LPXN: variants seen among roughly 807,000 people sequenced by gnomAD.
The protein encoded by LPXN is leupaxin.
A neutral mutation model predicts 45.6 loss-of-function variants in LPXN; 28 were observed. The ratio of observed to expected loss-of-function variants is 0.61; its 90% CI spans 0.45 to 0.84. The LOEUF (loss-of-function observed/expected upper bound fraction) is 0.84. LPXN is among the 40% of genes least tolerant of loss of function. The pLI, the probability that LPXN is intolerant of heterozygous loss-of-function variation, is 0.00. For missense variants in LPXN, 459 were observed against 475.0 expected, an observed-to-expected ratio of 0.97 and a Z score of 0.31; for synonymous variants, 166 against 169.9, an observed-to-expected ratio of 0.98 and a Z score of 0.18.
intron 3 of LPXN, among the ~76,000 whole-genome samples, chr11:58,562,479 G>A (rs960384500): frequency 2.6e-5 from 4 of 152,072 alleles, no homozygotes; most frequent in African/African-American, 9.7e-5. Context: ...CTCCCACAGA[G>A]GCCTGGCTAC....
At chr11:58,575,672 A>G (rs1019616515) in intron 1 of LPXN, 88 bp downstream of exon 1, 2 of 1,415,358 alleles carry the variant, frequency 1.4e-6, no homozygotes, top group Non-Finnish European at 2.0e-6. Flanking sequence ...TACTACCCTC[A>G]GTCTAGCCAG....
At chr11:58,575,978 T>C, upstream of LPXN, 1 of 1,390,804 alleles carries the variant, frequency 7.2e-7, no homozygotes, top group Non-Finnish European at 9.4e-7. Context: ...GTTTTAAAAA[T>C]GTGACTGACA....
In LPXN at chr11:58,538,174, G is replaced by A. The variant is rs938551008; in HGVS notation, c.743-9983C>T. On this transcript the variant is annotated intron_variant, in intron 7 of 8. Coordinates refer to ENST00000395074, the MANE Select transcript of LPXN (RefSeq NM_004811.3). Reference sequence around the variant, plus strand: ...CATTTTCTTAATCCAGTCTATCACTGATGGACATTTGGGTTGGTTCCAAGT... The same window carrying A: ...CATTTTCTTAATCCAGTCTATCACTAATGGACATTTGGGTTGGTTCCAAGT... Among the ~76,000 whole-genome samples, 12 of 152,234 alleles carry A rather than the reference G, an allele frequency of 7.9e-5. No individual in the cohort carries two copies. The East Asian group carries it at 9.6e-4, about 12-fold the overall frequency.
chr11:58,538,398 A>T (rs1203030261), intron 7 of LPXN, among the ~76,000 whole-genome samples: 2 of 151,944 alleles, frequency 1.3e-5, no homozygotes, highest in African/African-American at 4.8e-5. Flanking sequence ...AACAGTGTAA[A>T]AGTGTTCCTA....
At chr11:58,545,786 C>A (rs918860509) in intron 7 of LPXN, among the ~76,000 whole-genome samples, 2 of 152,140 alleles carry the variant, frequency 1.3e-5, no homozygotes, top group African/African-American at 4.8e-5. Context: ...AAATGATACC[C>A]AAGTTGAAAT....
intron 7 of LPXN, among the ~76,000 whole-genome samples, chr11:58,529,651 G>T (rs1035048325): frequency 2.7e-5 from 4 of 150,266 alleles, no homozygotes; most frequent in African/African-American, 9.8e-5. Context: ...GGAAAAACAT[G>T]AATCCCTAAA....
intron 3 of LPXN, among the ~76,000 whole-genome samples, chr11:58,562,811 GT>G (rs59867643): frequency 0.96 from 145,327 of 152,108 alleles, 69,592 homozygotes; most frequent in Middle Eastern, 0.99. Context: ...AGAGCGACTT[GT>G]GGGGGGGAAA....
chr11:58,570,595 C>T lies in LPXN; in HGVS notation c.132G>A (p.Ser44=), dbSNP rs370918841. 2.0e-5 allele frequency: 32 copies of T among 1,613,246 alleles called. No individual in the cohort carries two copies. The highest frequency in any genetic ancestry group is 1.2e-4 in the African/African-American group (9 of 75,012). The change falls in exon 2 of 9, where the codon TCG becomes TCA. Residue 44 remains serine, a synonymous_variant. Transcript: ENST00000395074. ...SRKETNLDET[S]EILSIQDNTS... is the part of the protein sequence containing the mutation. The stretch of plus-strand genomic sequence containing the variant: ...TGTTATCCTGAATAGAAAGGATCTC[C>T]GAAGTCTCATCAAGGTTAGTCTCCT...
chr11:58,554,873 G>C lies in LPXN; in HGVS notation c.286C>G (p.Leu96Val), dbSNP rs769862851. 78 of 1,613,918 alleles carry C rather than the reference G, an allele frequency of 4.8e-5. No individual in the cohort carries two copies. The highest frequency in any genetic ancestry group is 6.4e-5 in the Non-Finnish European group (76 of 1,179,994). ...TGCATCTCAGTCAGGTGAGCCATGA[G>C]CTCATCCAACTGAGCAGCTGCTGAC... is the stretch of plus-strand genomic sequence containing the variant. Reference protein sequence around the residue: ...KTSAAAQLDELMAHLTEMQAK... With the variant: ...KTSAAAQLDEVMAHLTEMQAK... Residue 96 changes from leucine to valine, a missense_variant, in exon 4 of 9, where the codon CTC becomes GTC. Leu to Val is a conservative substitution (Grantham distance 32). Transcript: ENST00000395074.
chr11:58,528,150 A>G lies in LPXN; in HGVS notation c.784T>C (p.Phe262Leu). ...KDKKPYCRKD[F>L]LAMFSPKCGG... ...CACTTGGGTGAGAACATGGCTAAGA[A>G]ATCCTTTCGGCAATATGGCTTCTTG... The change falls in exon 8 of 9, where the codon TTC (phenylalanine) becomes CTC (leucine). Residue 262 changes from phenylalanine to leucine, a missense_variant. Transcript: ENST00000395074. 1 of 1,614,208 alleles carries G rather than the reference A, an allele frequency of 6.2e-7. No homozygotes were observed. Among genetic ancestry groups the G allele is most frequent in the Non-Finnish European group, 8.5e-7 (1 of 1,180,028 alleles).
At chr11:58,543,696 T>A (rs1374669138) in intron 7 of LPXN, among the ~76,000 whole-genome samples, 2 of 152,158 alleles carry the variant, frequency 1.3e-5, no homozygotes, top group Admixed American at 6.6e-5. Context: ...TACCTCTAAC[T>A]TAAATGCATC....
chr11:58,564,794 G>A (rs953570862), intron 2 of LPXN, among the ~76,000 whole-genome samples: 2 of 152,210 alleles, frequency 1.3e-5, no homozygotes, highest in East Asian at 1.9e-4. Flanking sequence ...ATTCTGCATA[G>A]AGGATGGGAA....
chr11:58,566,580 CAA>C (rs1854534416), intron 2 of LPXN, among the ~76,000 whole-genome samples: 1 of 152,168 alleles, frequency 6.6e-6, no homozygotes, highest in Non-Finnish European at 1.5e-5. Flanking sequence ...CAAAATACAT[CAA>C]AGTCAAGATT....
intron 1 of LPXN, among the ~76,000 whole-genome samples, chr11:58,574,849 T>G (rs1277599506): frequency 6.6e-6 from 1 of 152,242 alleles, no homozygotes; most frequent in Non-Finnish European, 1.5e-5. Flanking sequence ...GCCATTTTTT[T>G]TAAGACAATG....
At chr11:58,527,745 GAA>G in intron 8 of LPXN, 22 bp from the exon 9 acceptor site, 1 of 1,599,618 alleles carries the variant, frequency 6.3e-7, no homozygotes, top group Non-Finnish European at 8.5e-7. Context: ...AGAAGAGAGA[GAA>G]AAAGAATGCA....
At chr11:58,578,848 G>GA (rs561791109), upstream of LPXN, among the ~76,000 whole-genome samples, 2 of 151,792 alleles carry the variant, frequency 1.3e-5, no homozygotes, top group Non-Finnish European at 2.9e-5. Flanking sequence ...CTGGAGGGGG[G>GA]AAAAAGGTCA....
At chr11:58,537,356 T>C (rs1853583236) in intron 7 of LPXN, among the ~76,000 whole-genome samples, 1 of 152,182 alleles carries the variant, frequency 6.6e-6, no homozygotes, top group African/African-American at 2.4e-5. Context: ...TTCATGTCCT[T>C]TGCAGGGACA....
At position 58,528,178 on chromosome 11, in the gene LPXN, C is replaced by T; in HGVS notation, c.756G>A (p.Lys252=). Reference sequence around the variant, plus strand: ...CCTTTCGGCAATATGGCTTCTTGTCCTTCTCATGAAAGCCTGGAGAGATAA... The same window carrying T: ...CCTTTCGGCAATATGGCTTCTTGTCTTTCTCATGAAAGCCTGGAGAGATAA... The part of the protein sequence containing the change: ...EVFGAEGFHE[K]DKKPYCRKDF... The change falls in exon 8 of 9, where the codon AAG becomes AAA. Residue 252 remains lysine (K), a synonymous_variant. Coordinates refer to ENST00000395074, the MANE Select transcript of LPXN (RefSeq NM_004811.3). 6.2e-7 allele frequency: 1 copy of T among 1,614,112 alleles called. No individual in the cohort carries two copies.
At chr11:58,557,886 T>A (rs1377777056) in intron 3 of LPXN, among the ~76,000 whole-genome samples, 1 of 152,114 alleles carries the variant, frequency 6.6e-6, no homozygotes, top group Non-Finnish European at 1.5e-5. Flanking sequence ...TGAAGATAAA[T>A]ATTATGTCAG....
Sources: gnomAD v4.1 joint callset for allele counts (sites outside exome capture counted in the v4.1 genomes callset) on GRCh38, gnomAD v4.1.1 for gene constraint, MANE v1.5 for transcripts, NCBI Gene and HGNC (gene_info 2026-07-23, HGNC 2026-07-21) for gene names.